The following PXN variants were observed in gnomAD, a reference collection of about 807,000 sequenced individuals.
The protein encoded by PXN is paxillin, also known as testicular tissue protein Li 134.
In PXN, 61 loss-of-function variants were observed where a neutral mutation model predicts 103.6. The ratio of observed to expected loss-of-function variants is 0.59; its 90% CI spans 0.48 to 0.73. PXN has a LOEUF of 0.73. Ranked by LOEUF, PXN falls within the 30% of genes least tolerant of loss-of-function variation. The pLI is 0.00. For missense variants in PXN, 1,274 were observed against 1,460.3 expected (o/e 0.87, Z 2.08); for synonymous variants, 562 against 607.8 (o/e 0.92, Z 1.11).
intron 1 of PXN, among the ~76,000 whole-genome samples, chr12:120,231,107 TC>T (rs1344141848): frequency 6.6e-6 from 1 of 152,142 alleles, no homozygotes; most frequent in Non-Finnish European, 1.5e-5. Context: ...GATGCCCTGA[TC>T]CCAGGCCCAG....
In PXN at chr12:120,222,861, A is replaced by T. The variant is rs1249526293; in HGVS notation, c.493+2T>A. On this transcript the variant is annotated splice_donor_variant, in intron 4 of 14. Coordinates refer to ENST00000637617, the MANE Select transcript of PXN (RefSeq NM_001385981.1). LOFTEE classifies it high-confidence loss of function. The surrounding 1 kb of genome is among the most constrained non-coding windows in gnomAD (Gnocchi z 4.7). The stretch of plus-strand genomic sequence containing the variant: ...GACCCTGCCCCAGGGACCCGGTCCT[A>T]CCTGCAGGGAAGCCTGGCGGGTTAT... The T allele has an allele frequency of 6.2e-7, 1 of 1,613,402 alleles. No individual in the cohort carries two copies. Among genetic ancestry groups the T allele is most frequent in the African/African-American group, 1.3e-5 (1 of 74,888 alleles).
intron 1 of PXN, among the ~76,000 whole-genome samples, chr12:120,239,513 C>T (rs531937831): frequency 9.2e-5 from 14 of 152,084 alleles, no homozygotes; most frequent in Non-Finnish European, 1.9e-4. Flanking sequence ...ACCCAGGAGG[C>T]GGAGGTTGCA....
At position 120,219,458 on chromosome 12, in the gene PXN, G is replaced by T. The variant is rs756230448; in HGVS notation, c.1465C>A (p.Gln489Lys). 2 of 1,598,356 alleles carry T rather than the reference G, an allele frequency of 1.3e-6. No homozygotes were observed. Among genetic ancestry groups the T allele is most frequent in the South Asian group, 1.1e-5 (1 of 91,074 alleles). ...WTLTEEHGLQ[Q>K]ERPRPEPGRL... ...CCTGGCTCTGGCCTTGGCCTCTCCT[G>T]CTGTAGGCCATGTTCCTCCGTGAGA... Residue 489 changes from glutamine to lysine, a missense_variant, in exon 7 of 15, where the codon CAG becomes AAG. Gln to Lys is a moderately conservative substitution (Grantham distance 53). Transcript: ENST00000637617. This position sits in a 1 kb window ranked among gnomAD's most constrained non-coding sequence, Gnocchi z 6.5.
intron 1 of PXN, among the ~76,000 whole-genome samples, chr12:120,233,473 T>G (rs1888449915): frequency 6.6e-6 from 1 of 152,036 alleles, no homozygotes; most frequent in Admixed American, 6.6e-5. Flanking sequence ...CTGGCTAATT[T>G]TTGTATTTTC....
chr12:120,219,906 G>C lies in PXN; in HGVS notation c.1017C>G (p.Gly339=). 2 of 1,598,312 alleles carry C rather than the reference G, an allele frequency of 1.3e-6. No individual in the cohort carries two copies. Among genetic ancestry groups the C allele is most frequent in the East Asian group, 2.2e-5 (1 of 44,874 alleles). ...AGCTGGGGGCTACAGGAGGTAGAAGGCCTCGTCCACTCTGCTCAGTACAAG... is the reference window on the plus strand; with the variant it reads ...AGCTGGGGGCTACAGGAGGTAGAAGCCCTCGTCCACTCTGCTCAGTACAAG... The part of the protein sequence containing the change: ...EFPCTEQSGR[G]LLPPVAPSWL... The change falls in exon 7 of 15, where the codon GGC becomes GGG. Residue 339 remains glycine, a synonymous_variant. Transcript: ENST00000637617. This position sits in a 1 kb window ranked among gnomAD's most constrained non-coding sequence, Gnocchi z 6.5.
At chr12:120,218,975 A>G (rs897911691) in intron 7 of PXN, among the ~76,000 whole-genome samples, 2 of 152,240 alleles carry the variant, frequency 1.3e-5, no homozygotes, top group African/African-American at 4.8e-5. Context: ...AGGACAGCTC[A>G]TCTGAAAGGA....
chr12:120,230,321 TA>T (rs1341280424), intron 1 of PXN, among the ~76,000 whole-genome samples: 1 of 152,206 alleles, frequency 6.6e-6, no homozygotes, highest in East Asian at 1.9e-4. Context: ...GTCCCTGTCC[TA>T]GGGGGTCTGG....
chr12:120,253,458 G>A (rs181906777), intron 1 of PXN, among the ~76,000 whole-genome samples: 5 of 152,280 alleles, frequency 3.3e-5, no homozygotes, highest in Admixed American at 3.3e-4. Context: ...GGGTGACAGA[G>A]CGAGACTCCA....
intron 1 of PXN, among the ~76,000 whole-genome samples, chr12:120,240,445 A>T (rs1889949036): frequency 6.6e-6 from 1 of 152,204 alleles, no homozygotes; most frequent in Admixed American, 6.5e-5. Context: ...ACCTGTTAAG[A>T]CACTGGGACC....
chr12:120,246,242 T>C (rs1891090850), intron 1 of PXN, among the ~76,000 whole-genome samples: 1 of 150,314 alleles, frequency 6.7e-6, no homozygotes, highest in Non-Finnish European at 1.5e-5. Context: ...AAATAAAAAA[T>C]TAGGCTGGGC....
intron 1 of PXN, among the ~76,000 whole-genome samples, chr12:120,261,496 TG>T (rs1308265393): frequency 6.6e-6 from 1 of 152,132 alleles, no homozygotes; most frequent in Non-Finnish European, 1.5e-5. Context: ...CGGCAGATTT[TG>T]TTATTATTAA....
At chr12:120,233,104 C>T (rs900653635) in intron 1 of PXN, among the ~76,000 whole-genome samples, 17 of 152,214 alleles carry the variant, frequency 1.1e-4, no homozygotes, top group South Asian at 2.1e-4. Flanking sequence ...TGCTCAGTGC[C>T]TACCTGAACT....
intron 1 of PXN, chr12:120,226,747 T>C: frequency 9.2e-7 from 1 of 1,086,426 alleles, no homozygotes; most frequent in Non-Finnish European, 1.1e-6. Context: ...TGAGTTCAAG[T>C]GCCAGCTCCC....
intron 1 of PXN, among the ~76,000 whole-genome samples, chr12:120,231,065 A>G (rs1045177825): frequency 2.0e-5 from 3 of 152,222 alleles, no homozygotes; most frequent in Non-Finnish European, 4.4e-5. Flanking sequence ...CAGTGAGCAG[A>G]GCAAACAGCC....
rs368525184 is a variant in PXN, at chr12:120,251,535, C to T, written c.13+14082G>A. Among the ~76,000 whole-genome samples, 10 of 149,610 alleles carry T rather than the reference C, an allele frequency of 6.7e-5. No homozygotes were observed. The East Asian group carries it at 9.9e-4, about 15-fold the overall frequency. ...CCATCTCAATAAATAAATAAACAAA[C>T]AGGCCGCTGCGGTGGCTCACTCCTG... On this transcript the variant is annotated intron_variant, in intron 1 of 14. Transcript: ENST00000637617.
Position 120,216,654 on chromosome 12 carries a change from C to T in PXN, c.1993-73G>A. The T allele has an allele frequency of 1.3e-6, 2 of 1,558,544 alleles. No individual in the cohort carries two copies. The highest frequency in any genetic ancestry group is 1.7e-6 in the Non-Finnish European group (2 of 1,167,950). ...CAGCCCACAGGGGTGGCGGGACCTC[C>T]CCAGGCTCCCCCTGGGCCTTCCCAC... On this transcript the variant is annotated intron_variant, in intron 8 of 14. Transcript: ENST00000637617. The surrounding 1 kb of genome is among the most constrained non-coding windows in gnomAD (Gnocchi z 5.1).
Position 120,216,934 on chromosome 12 carries a change from C to T in PXN, c.1899G>A (p.Ala633=), listed in dbSNP as rs112116762. 25 of 1,531,264 alleles carry T rather than the reference C, an allele frequency of 1.6e-5. No homozygotes were observed. Among genetic ancestry groups the T allele is most frequent in the Non-Finnish European group, 1.8e-5 (21 of 1,143,446 alleles). The allele number at this position is 1,531,264 out of a possible 1,614,324, so 94.9% of individuals were successfully genotyped here. A position where few individuals can be genotyped will look rare whatever the true frequency, so the allele number is the denominator to read the frequency against. The change falls in exon 8 of 15, where the codon GCG becomes GCA. Residue 633 remains alanine, a synonymous_variant. Coordinates refer to ENST00000637617, the MANE Select transcript of PXN (RefSeq NM_001385981.1). The surrounding 1 kb of genome is among the most constrained non-coding windows in gnomAD (Gnocchi z 5.1). ...IQPEAEEPAE[A]AGPSAQDWLT... ...GCCAGTCCTGGGCAGAGGGCCCCGC[C>T]GCCTCCGCCGGCTCCTCTGCCTCAG...
In PXN at chr12:120,212,664, C is replaced by G; in HGVS notation, c.2980-84G>C. On this transcript the variant is annotated intron_variant, in intron 14 of 14. Transcript: ENST00000637617. The surrounding 1 kb of genome is among the most constrained non-coding windows in gnomAD (Gnocchi z 7.2). ...GTGATGGGGCCGAGGTGGGCATAGT[C>G]GGCACGCTCGGAGTGACTCCTACTT... 1 of 1,506,016 alleles carries G rather than the reference C, an allele frequency of 6.6e-7. No homozygotes were observed. Among genetic ancestry groups the G allele is most frequent in the Non-Finnish European group, 9.0e-7 (1 of 1,113,696 alleles). 93.3% of individuals were successfully genotyped at this position (1,506,016 alleles called of 1,614,324 possible).
intron 1 of PXN, among the ~76,000 whole-genome samples, chr12:120,245,647 G>C (rs1411553263): frequency 6.6e-6 from 1 of 151,788 alleles, no homozygotes; most frequent in Non-Finnish European, 1.5e-5. Flanking sequence ...AATTAGCCGG[G>C]TGTTGTGGCG....
Sources: gnomAD v4.1 joint callset for allele counts (sites outside exome capture counted in the v4.1 genomes callset) on GRCh38, gnomAD v4.1.1 for gene constraint, Gnocchi (gnomAD v3.1) non-coding constraint, MANE v1.5 for transcripts, NCBI Gene and HGNC (gene_info 2026-07-23, HGNC 2026-07-21) for gene names.